MBNL1: variants seen among roughly 807,000 people sequenced by gnomAD.
MBNL1 encodes the protein muscleblind-like protein 1.
MBNL1 carries 8 observed loss-of-function variants against 42.2 expected under a neutral mutation model. That is an observed-to-expected ratio of 0.19 (90% CI 0.11 to 0.34). The LOEUF (loss-of-function observed/expected upper bound fraction) is 0.34. MBNL1 is among the 10% of genes least tolerant of loss of function. MBNL1 has a pLI of 1.00. For synonymous variants in MBNL1, 169 were observed against 173.9 expected, an observed-to-expected ratio of 0.97 and a Z score of 0.22; for missense variants, 309 against 495.3, an observed-to-expected ratio of 0.62 and a Z score of 3.57.
At chr3:152,328,963 G>A (rs373124568) in intron 2 of MBNL1, among the ~76,000 whole-genome samples, 2 of 152,092 alleles carry the variant, frequency 1.3e-5, no homozygotes, top group African/African-American at 4.8e-5. Context: ...CAAGGGAGAC[G>A]GTAGTAAAAT....
intron 2 of MBNL1, among the ~76,000 whole-genome samples, chr3:152,359,687 T>C (rs1490770459): frequency 1.3e-5 from 2 of 152,166 alleles, no homozygotes; most frequent in African/African-American, 4.8e-5. Context: ...TAATAAAAGA[T>C]AAGGGATGGT....
At chr3:152,252,321 TC>T (rs1311806605) in intron 2 of MBNL1, among the ~76,000 whole-genome samples, 1 of 147,932 alleles carries the variant, frequency 6.8e-6, no homozygotes, top group African/African-American at 2.5e-5. Flanking sequence ...CTTTCTGGCT[TC>T]CCATTCAGGG....
At chr3:152,421,355 G>A (rs374243253) in intron 3 of MBNL1, among the ~76,000 whole-genome samples, 94 of 152,244 alleles carry the variant, frequency 6.2e-4, no homozygotes, top group African/African-American at 2.2e-3. Flanking sequence ...CCAGGGAGCC[G>A]AGTGTTCTTG....
intron 8 of MBNL1, among the ~76,000 whole-genome samples, chr3:152,457,115 TAAC>T (rs1735245611): frequency 6.6e-6 from 1 of 152,158 alleles, no homozygotes; most frequent in Non-Finnish European, 1.5e-5. Context: ...TATACAATAA[TAAC>T]TATTTAAAAA....
intron 2 of MBNL1, among the ~76,000 whole-genome samples, chr3:152,366,360 A>AT (rs1227976631): frequency 1.3e-5 from 2 of 152,134 alleles, no homozygotes; most frequent in Non-Finnish European, 2.9e-5. Flanking sequence ...TTACCAGCTG[A>AT]TTTTTATAGC....
At position 152,269,071 on chromosome 3, in the gene MBNL1, C is replaced by T. The variant is rs1485983080; in HGVS notation, c.-811C>T. ...GGCACTTGGTCGACAGTGGGGCCGC[C>T]TCTGAAAAAAAAATGTGAGAGGTAA... is the stretch of plus-strand genomic sequence containing the variant. On this transcript the variant is annotated 5_prime_UTR_variant, in exon 1 of 10. Coordinates refer to ENST00000324210, the MANE Select transcript of MBNL1 (RefSeq NM_021038.5). 1 of 450,268 alleles carries T rather than the reference C, an allele frequency of 2.2e-6. No individual in the cohort carries two copies. Among genetic ancestry groups the T allele is most frequent in the Non-Finnish European group, 4.4e-6 (1 of 225,376 alleles). The allele number at this position is 450,268 out of a possible 1,614,324, so 27.9% of individuals were successfully genotyped here. A position where few individuals can be genotyped will look rare whatever the true frequency, so the allele number is the denominator to read the frequency against.
chr3:152,444,253 C>A (rs1189123675), intron 4 of MBNL1, among the ~76,000 whole-genome samples: 1 of 152,058 alleles, frequency 6.6e-6, no homozygotes, highest in Non-Finnish European at 1.5e-5. Flanking sequence ...TCAAAGTATC[C>A]TGAATGAAGA....
At chr3:152,348,514 T>C (rs1468390794) in intron 2 of MBNL1, among the ~76,000 whole-genome samples, 2 of 152,176 alleles carry the variant, frequency 1.3e-5, no homozygotes, top group Admixed American at 6.6e-5. Context: ...GCAGTTGTTA[T>C]AGTACAGTCA....
At chr3:152,311,720 GT>G (rs1352282930) in intron 2 of MBNL1, among the ~76,000 whole-genome samples, 3 of 151,436 alleles carry the variant, frequency 2.0e-5, no homozygotes, top group Non-Finnish European at 4.4e-5. Flanking sequence ...TAAGACTTTT[GT>G]TATATGTAAT....
chr3:152,348,701 G>A (rs1479340209), intron 2 of MBNL1, among the ~76,000 whole-genome samples: 1 of 152,056 alleles, frequency 6.6e-6, no homozygotes, highest in Non-Finnish European at 1.5e-5. Flanking sequence ...AGTGGGTTAA[G>A]AAAATTATAG....
intron 2 of MBNL1, among the ~76,000 whole-genome samples, chr3:152,377,044 C>A (rs1392286876): frequency 6.6e-6 from 1 of 152,044 alleles, no homozygotes; most frequent in African/African-American, 2.4e-5. Flanking sequence ...AAACAAAGCC[C>A]CAAAACTGTG....
intron 2 of MBNL1, chr3:152,339,920 C>T (rs1386780718): frequency 2.0e-5 from 3 of 152,104 alleles, no homozygotes; most frequent in Non-Finnish European, 2.9e-5. Context: ...CTTTTTCTTT[C>T]GTGTTTTTCT....
At position 152,375,120 on chromosome 3, in the gene MBNL1, G is replaced by A. The variant is rs142249208; in HGVS notation, c.175-39821G>A. 6.4e-3 allele frequency among the ~76,000 whole-genome samples: 973 copies of A among 152,204 alleles called. 9 individuals carry two copies. Among genetic ancestry groups the A allele is most frequent in the African/African-American group, 0.022 (931 of 41,542 alleles). On this transcript the variant is annotated intron_variant, in intron 2 of 9. Transcript: ENST00000324210. ...CTCCCAAGTAGCTGGGATTACAGGC[G>A]TGTGCCACCACACTTACCCAGCGGA... is the stretch of plus-strand genomic sequence containing the variant.
intron 4 of MBNL1, among the ~76,000 whole-genome samples, chr3:152,434,705 ACATT>A (rs1480634017): frequency 2.6e-5 from 4 of 152,126 alleles, no homozygotes; most frequent in Admixed American, 6.5e-5. Flanking sequence ...AACCTTGTCA[ACATT>A]CATTATTTTT....
In MBNL1 at chr3:152,376,765, ACTCT is replaced by A. The variant is rs72323969; in HGVS notation, c.175-38171_175-38168del. Among the ~76,000 whole-genome samples, 501 of 151,440 alleles carry A rather than the reference ACTCT, an allele frequency of 3.3e-3. 13 individuals carry two copies. Among genetic ancestry groups the A allele is most frequent in the East Asian group, 0.023 (117 of 5,172 alleles). On this transcript the variant is annotated intron_variant, in intron 2 of 9. Transcript: ENST00000324210. ...GCAGATGAGCTGAGGGGTGCCACGC[ACTCT>A]CTCTATATATATACGCACACACACA... is the stretch of plus-strand genomic sequence containing the variant.
intron 3 of MBNL1, among the ~76,000 whole-genome samples, chr3:152,430,168 A>T (rs1580314490): frequency 6.6e-6 from 1 of 152,200 alleles, no homozygotes. Flanking sequence ...CATCATATGC[A>T]TTTTTAGATT....
intron 2 of MBNL1, among the ~76,000 whole-genome samples, chr3:152,336,893 G>A (rs1160123215): frequency 6.6e-6 from 1 of 152,138 alleles, no homozygotes; most frequent in Non-Finnish European, 1.5e-5. Context: ...TTAGATATCC[G>A]AAGTCAAGAA....
chr3:152,340,602 G>C, intron 2 of MBNL1: 1 of 1,613,874 alleles, frequency 6.2e-7, no homozygotes, highest in Non-Finnish European at 8.5e-7. Flanking sequence ...TTCCAAGTTT[G>C]GAAACTATCA....
intron 2 of MBNL1, among the ~76,000 whole-genome samples, chr3:152,260,449 T>C (rs2036062403): frequency 6.6e-6 from 1 of 152,246 alleles, no homozygotes; most frequent in Non-Finnish European, 1.5e-5. Flanking sequence ...CTTGTTTGTG[T>C]TTATAATTTA....
Sources: gnomAD v4.1 joint callset for allele counts (sites outside exome capture counted in the v4.1 genomes callset) on GRCh38, gnomAD v4.1.1 for gene constraint, MANE v1.5 for transcripts, NCBI Gene and HGNC (gene_info 2026-07-23, HGNC 2026-07-21) for gene names.